Variants in WNT7A observed in about 807,000 individuals in gnomAD.
The protein encoded by WNT7A is protein Wnt-7a.
A neutral mutation model predicts 28.2 loss-of-function variants in WNT7A; 16 were observed. The observed-to-expected ratio is 0.57, with a 90% CI of 0.38 to 0.86. WNT7A has a LOEUF of 0.86. Ranked by LOEUF, WNT7A falls within the 40% of genes least tolerant of loss-of-function variation. The pLI is 0.00. For missense variants in WNT7A, 411 were observed against 489.7 expected, an observed-to-expected ratio of 0.84 and a Z score of 1.52; for synonymous variants, 190 against 195.9, an observed-to-expected ratio of 0.97 and a Z score of 0.25.
At chr3:13,848,525 T>C (rs1191934356) in intron 3 of WNT7A, among the ~76,000 whole-genome samples, 1 of 152,172 alleles carries the variant, frequency 6.6e-6, no homozygotes, top group African/African-American at 2.4e-5. Context: ...AATACCACAA[T>C]GAGGTATAAC....
intron 2 of WNT7A, among the ~76,000 whole-genome samples, chr3:13,869,316 GGAGGGAGGGAGA>G (rs1185558770): frequency 5.7e-4 from 72 of 125,738 alleles, no homozygotes; most frequent in African/African-American, 2.1e-3. Flanking sequence ...AGGGAAAGAG[GGAGGGAGGGAGA>G]GAGGGAGGGA....
In WNT7A at chr3:13,818,980, C is replaced by G. The variant is rs779899090; in HGVS notation, c.1014G>C (p.Thr338=). ...FHWCCYVKCN[T]CSERTEMYTC... is the part of the protein sequence containing the mutation. ...TGTACATCTCCGTGCGCTCGCTGCA[C>G]GTGTTGCACTTGACATAGCAGCACC... Residue 338 remains threonine (T), a synonymous_variant, in exon 4 of 4, where the codon ACG becomes ACC. Transcript: ENST00000285018. 6.2e-7 allele frequency: 1 copy of G among 1,600,468 alleles called. No homozygotes were observed. Among genetic ancestry groups the G allele is most frequent in the African/African-American group, 1.3e-5 (1 of 74,712 alleles).
intron 3 of WNT7A, among the ~76,000 whole-genome samples, chr3:13,826,123 AC>A (rs1186342770): frequency 6.6e-6 from 1 of 152,134 alleles, no homozygotes; most frequent in African/African-American, 2.4e-5. Flanking sequence ...ATTTGGCGTC[AC>A]CCCTGCTGGG....
At chr3:13,856,924 A>AAGAAGAAGAAGG (rs1694747343) in intron 2 of WNT7A, among the ~76,000 whole-genome samples, 1 of 108,252 alleles carries the variant, frequency 9.2e-6, no homozygotes, top group African/African-American at 4.6e-5. Flanking sequence ...GAAGAAGAAG[A>AAGAAGAAGAAGG]AGAAGAAGAA....
intron 3 of WNT7A, among the ~76,000 whole-genome samples, chr3:13,837,561 A>AATGG (rs796902555): frequency 1.4e-4 from 22 of 152,140 alleles, no homozygotes; most frequent in African/African-American, 4.8e-4. Context: ...TGAATGAATG[A>AATGG]ATGAATGAAT....
intron 2 of WNT7A, among the ~76,000 whole-genome samples, chr3:13,864,852 T>A (rs1694886060): frequency 6.6e-6 from 1 of 152,322 alleles, no homozygotes; most frequent in African/African-American, 2.4e-5. Context: ...TTTCCTGTAC[T>A]TGTATGGAAA....
chr3:13,870,141 C>T (rs1695008550), intron 2 of WNT7A, among the ~76,000 whole-genome samples: 1 of 152,194 alleles, frequency 6.6e-6, no homozygotes, highest in Non-Finnish European at 1.5e-5. Context: ...AACCATGCTG[C>T]ACTCTGGCCA....
At chr3:13,840,601 C>CATCCATCT (rs1395773828) in intron 3 of WNT7A, among the ~76,000 whole-genome samples, 1 of 145,686 alleles carries the variant, frequency 6.9e-6, no homozygotes, top group Non-Finnish European at 1.5e-5. Context: ...TTCATTCATC[C>CATCCATCT]ATCCATCCAT....
In WNT7A at chr3:13,875,079, G is replaced by T; in HGVS notation, c.166C>A (p.Pro56Thr). 6.2e-7 allele frequency: 1 copy of T among 1,614,240 alleles called. No individual in the cohort carries two copies. The highest frequency in any genetic ancestry group is 1.1e-5 in the South Asian group (1 of 91,088). ...TCTCCTATGACGATGATGGCGTCGG[G>T]CCGGCTCTGGCAGATCGCCCGCTGT... is the stretch of plus-strand genomic sequence containing the variant. Reference protein sequence around the residue: ...PRQRAICQSRPDAIIVIGEGS... With the variant: ...PRQRAICQSRTDAIIVIGEGS... The change falls in exon 2 of 4, where the codon CCC becomes ACC. Residue 56 changes from proline (P) to threonine (T), a missense_variant. By Grantham distance (38) the Pro-to-Thr change is conservative. Transcript: ENST00000285018.
chr3:13,859,368 C>A (rs996164079), intron 2 of WNT7A, among the ~76,000 whole-genome samples: 1 of 152,208 alleles, frequency 6.6e-6, no homozygotes, highest in African/African-American at 2.4e-5. Context: ...CCTCTCTGAG[C>A]CTCCATTTCC....
chr3:13,869,255 A>AAAGAGGGAGGAAGAAAAGAAAGT (rs1694990344), intron 2 of WNT7A, among the ~76,000 whole-genome samples: 1 of 146,402 alleles, frequency 6.8e-6, no homozygotes, highest in Non-Finnish European at 1.5e-5. Context: ...GAAAAGAAAG[A>AAAGAGGGAGGAAGAAAAGAAAGT]AAGAGGGAGA....
At chr3:13,851,875 C>T (rs1345773617) in intron 3 of WNT7A, among the ~76,000 whole-genome samples, 2 of 152,194 alleles carry the variant, frequency 1.3e-5, no homozygotes, top group Non-Finnish European at 2.9e-5. Flanking sequence ...ATCCAAAGTA[C>T]AAAGGCCCCG....
chr3:13,858,154 G>C (rs1694776523), intron 2 of WNT7A, among the ~76,000 whole-genome samples: 1 of 152,178 alleles, frequency 6.6e-6, no homozygotes, highest in Non-Finnish European at 1.5e-5. Flanking sequence ...ACCAAGAACT[G>C]CCCCCAGGGA....
intron 3 of WNT7A, among the ~76,000 whole-genome samples, chr3:13,828,868 C>G (rs1457112233): frequency 6.6e-6 from 1 of 152,180 alleles, no homozygotes; most frequent in Non-Finnish European, 1.5e-5. Context: ...AGCAGAAGGG[C>G]AGGCACTGTG....
At chr3:13,869,022 GA>G (rs1228115376) in intron 2 of WNT7A, among the ~76,000 whole-genome samples, 4 of 148,238 alleles carry the variant, frequency 2.7e-5, no homozygotes, top group Admixed American at 1.3e-4. Context: ...GAGAGAGAAA[GA>G]GAGAAAGTGA....
intron 3 of WNT7A, among the ~76,000 whole-genome samples, chr3:13,834,291 G>C (rs1180914464): frequency 6.6e-6 from 1 of 152,066 alleles, no homozygotes; most frequent in East Asian, 1.9e-4. Flanking sequence ...GCTGTCTAGG[G>C]TTTTCCTTAA....
intron 3 of WNT7A, among the ~76,000 whole-genome samples, chr3:13,828,179 C>T (rs779663289): frequency 3.9e-5 from 6 of 152,138 alleles, no homozygotes; most frequent in African/African-American, 9.7e-5. Flanking sequence ...GGGGATTCTG[C>T]GCACACAGAA....
Position 13,819,270 on chromosome 3 carries a change from G to C in WNT7A, c.724C>G (p.Arg242Gly), listed in dbSNP as rs1221376940. ...YNEAVHVEPV[R>G]ASRNKRPTFL... ...GTGGGCCGCTTGTTGCGGCTGGCAC[G>C]CACAGGCTCCACGTGAACGGCCTCG... The change falls in exon 4 of 4, where the codon CGT becomes GGT. Residue 242 changes from arginine (R) to glycine (G), a missense_variant. Physicochemically the swap from Arg to Gly is moderately radical, Grantham distance 125. Transcript: ENST00000285018. 3 of 1,614,232 alleles carry C rather than the reference G, an allele frequency of 1.9e-6. No individual in the cohort carries two copies. The highest frequency in any genetic ancestry group is 2.7e-5 in the African/African-American group (2 of 75,048).
chr3:13,856,859 G>GGAA, intron 2 of WNT7A, among the ~76,000 whole-genome samples: 1 of 109,666 alleles, frequency 9.1e-6, no homozygotes, highest in Non-Finnish European at 2.0e-5. Context: ...AGGAAGAAGA[G>GGAA]GAAGAGGAAG....
Sources: gnomAD v4.1 joint callset for allele counts (sites outside exome capture counted in the v4.1 genomes callset) on GRCh38, gnomAD v4.1.1 for gene constraint, MANE v1.5 for transcripts, NCBI Gene and HGNC (gene_info 2026-07-23, HGNC 2026-07-21) for gene names.